TRPC5: variants seen among roughly 807,000 people sequenced by gnomAD.
TRPC5 encodes the protein short transient receptor potential channel 5.
Under a neutral mutation model 56.5 loss-of-function variants are expected in TRPC5, and 9 were observed. The ratio of observed to expected loss-of-function variants is 0.16; its 90% CI spans 0.10 to 0.28. The LOEUF (loss-of-function observed/expected upper bound fraction) is 0.28. TRPC5 is among the 10% of genes least tolerant of loss of function. The pLI is 1.00. For missense variants in TRPC5, 469 were observed against 748.9 expected (o/e 0.63, Z 4.36); for synonymous variants, 282 against 278.5 (o/e 1.01, Z -0.13).
chrX:112,031,874 G>GTA (rs201428272), intron 1 of TRPC5, among the ~76,000 whole-genome samples: 21,171 of 106,050 alleles, frequency 0.2, 2,371 homozygotes, highest in African/African-American at 0.4. Context: ...ATATTCCATT[G>GTA]TATATATATA....
intron 7 of TRPC5, among the ~76,000 whole-genome samples, chrX:111,805,369 A>G (rs1341803803): frequency 9.0e-6 from 1 of 111,453 alleles, no homozygotes; most frequent in Admixed American, 9.6e-5. Flanking sequence ...GCCTCATAAA[A>G]TGAGTTAGGG....
intron 3 of TRPC5, among the ~76,000 whole-genome samples, chrX:111,855,682 T>C (rs1389723409): frequency 8.9e-6 from 1 of 112,366 alleles, no homozygotes; most frequent in Admixed American, 9.4e-5. Context: ...CACACTTCCC[T>C]TCCACGCATT....
At chrX:111,847,963 C>T (rs1008164651) in intron 5 of TRPC5, among the ~76,000 whole-genome samples, 2 of 111,746 alleles carry the variant, frequency 1.8e-5, no homozygotes, top group Non-Finnish European at 3.8e-5. Context: ...CCCTTGCTGA[C>T]TGCAGTTTGG....
At chrX:112,029,780 A>G (rs1206426195) in intron 1 of TRPC5, among the ~76,000 whole-genome samples, 2 of 111,571 alleles carry the variant, frequency 1.8e-5, no homozygotes, top group African/African-American at 3.3e-5. Context: ...ATGATACTCA[A>G]AATTAGAAGA....
intron 3 of TRPC5, chrX:111,901,886 C>T: frequency 8.7e-7 from 1 of 1,150,905 alleles, no homozygotes; most frequent in Non-Finnish European, 1.1e-6. Flanking sequence ...CATTGATGGA[C>T]TTGTTGCTTG....
At chrX:111,900,789 T>C (rs1000441977) in intron 3 of TRPC5, among the ~76,000 whole-genome samples, 1 of 111,927 alleles carries the variant, frequency 8.9e-6, no homozygotes, top group Non-Finnish European at 1.9e-5. Context: ...GATATCAAAA[T>C]ATTAAAAACT....
At chrX:111,883,085 CA>C (rs59699981) in intron 3 of TRPC5, among the ~76,000 whole-genome samples, 5,950 of 45,114 alleles carry the variant, frequency 0.13, 504 homozygotes, top group African/African-American at 0.35. Flanking sequence ...GACTCTGTCT[CA>C]AAAAAAAAAA....
chrX:111,975,382 T>C (rs183950647), intron 1 of TRPC5, among the ~76,000 whole-genome samples: 2 of 108,916 alleles, frequency 1.8e-5, no homozygotes, highest in African/African-American at 6.6e-5. Context: ...CAATAAACCC[T>C]GGAAGGAGGA....
chrX:111,800,172 C>A (rs181479309), intron 7 of TRPC5, among the ~76,000 whole-genome samples: 79 of 111,164 alleles, frequency 7.1e-4, no homozygotes, highest in African/African-American at 2.0e-3. Context: ...TCTCTGCTAC[C>A]CCTAAGACAG....
At chrX:111,923,095 C>T (rs1234238988) in intron 2 of TRPC5, among the ~76,000 whole-genome samples, 1 of 111,597 alleles carries the variant, frequency 9.0e-6, no homozygotes, top group Non-Finnish European at 1.9e-5. Context: ...AGCTTGACCC[C>T]AGGCAGTTTG....
At chrX:111,787,718 C>T (rs866507876) in intron 7 of TRPC5, among the ~76,000 whole-genome samples, 4 of 110,799 alleles carry the variant, frequency 3.6e-5, no homozygotes, top group Non-Finnish European at 5.7e-5. Context: ...CAATAAAAAA[C>T]GATAAAGGGG....
At chrX:111,810,612 T>C (rs1202630058) in intron 7 of TRPC5, among the ~76,000 whole-genome samples, 1 of 112,141 alleles carries the variant, frequency 8.9e-6, no homozygotes, top group Non-Finnish European at 1.9e-5. Context: ...GAAAAAGATT[T>C]CATAACATTT....
intron 7 of TRPC5, among the ~76,000 whole-genome samples, chrX:111,819,697 T>C (rs1383585842): frequency 8.9e-6 from 1 of 111,771 alleles, no homozygotes; most frequent in African/African-American, 3.3e-5. Context: ...AGTCATAATG[T>C]GTGTTTTCTA....
At chrX:111,801,724 C>T (rs192573614) in intron 7 of TRPC5, among the ~76,000 whole-genome samples, 3 of 112,066 alleles carry the variant, frequency 2.7e-5, no homozygotes, top group Non-Finnish European at 5.6e-5. Flanking sequence ...CCTTTGCCCA[C>T]TTAAAAAATC....
At chrX:112,006,227 C>T (rs1928841322) in intron 1 of TRPC5, among the ~76,000 whole-genome samples, 1 of 111,087 alleles carries the variant, frequency 9.0e-6, no homozygotes, top group African/African-American at 3.3e-5. Context: ...AGTAGAGGGC[C>T]ATGGCAGGTC....
intron 1 of TRPC5, among the ~76,000 whole-genome samples, chrX:111,997,681 G>T (rs189468879): frequency 1.6e-3 from 176 of 110,233 alleles, no homozygotes; most frequent in African/African-American, 5.3e-3. Context: ...TGGAGGCTTT[G>T]TTCATTTCTT....
intron 3 of TRPC5, among the ~76,000 whole-genome samples, chrX:111,877,518 T>C (rs747872299): frequency 9.5e-4 from 105 of 111,079 alleles, no homozygotes; most frequent in Middle Eastern, 4.6e-3. Context: ...ATTTGAGGTA[T>C]GTATGGATGG....
At chrX:111,974,786 G>A (rs1023321731) in intron 1 of TRPC5, among the ~76,000 whole-genome samples, 2 of 111,320 alleles carry the variant, frequency 1.8e-5, no homozygotes, top group Non-Finnish European at 3.8e-5. Context: ...CCTTACTCCA[G>A]GGCTTTGTCA....
chrX:111,860,392 T>C (rs1008723663), intron 3 of TRPC5, among the ~76,000 whole-genome samples: 2 of 112,492 alleles, frequency 1.8e-5, no homozygotes, highest in Admixed American at 9.4e-5. Context: ...TAAAAATTGG[T>C]TTTTTTATTA....
Sources: gnomAD v4.1 joint callset for allele counts (sites outside exome capture counted in the v4.1 genomes callset) on GRCh38, gnomAD v4.1.1 for gene constraint, MANE v1.5 for transcripts, NCBI Gene and HGNC (gene_info 2026-07-23, HGNC 2026-07-21) for gene names.